The following ACTR3C variants were observed in gnomAD, a reference collection of about 807,000 sequenced individuals.
ACTR3C encodes the protein actin-related protein 3C.
Under a neutral mutation model 26.3 loss-of-function variants are expected in ACTR3C, and 18 were observed. The observed-to-expected ratio is 0.68, with a 90% CI of 0.47 to 1.01. The LOEUF is 1.01. Ranked by LOEUF, ACTR3C falls within the 50% of genes least tolerant of loss-of-function variation. The probability of loss-of-function intolerance (pLI) is 0.00; values close to 1 mark genes in which losing one functional copy is unlikely to be tolerated. For synonymous variants in ACTR3C, 55 were observed against 94.5 expected, an observed-to-expected ratio of 0.58 and a Z score of 2.42; for missense variants, 184 against 250.7, an observed-to-expected ratio of 0.73 and a Z score of 1.80.
At chr7:149,944,678 C>A in the ACTR3C span, among the ~76,000 whole-genome samples, 1 of 151,842 alleles carries the variant, frequency 6.6e-6, no homozygotes, top group Non-Finnish European at 1.5e-5. Context: ...TATGTCTCCT[C>A]CTTCACCTGC....
the ACTR3C span, among the ~76,000 whole-genome samples, chr7:150,086,763 C>T: frequency 2.6e-5 from 4 of 152,158 alleles, no homozygotes; most frequent in East Asian, 3.9e-4. Context: ...ACAATGTGAC[C>T]GGGATCTGAT....
the ACTR3C span, among the ~76,000 whole-genome samples, chr7:150,162,994 A>G: frequency 6.6e-6 from 1 of 152,036 alleles, no homozygotes. Context: ...TCTACTAAAA[A>G]TACAAACAAA....
the ACTR3C span, among the ~76,000 whole-genome samples, chr7:150,094,940 T>G: frequency 1.3e-5 from 2 of 148,180 alleles, no homozygotes; most frequent in Admixed American, 6.7e-5. Context: ...GGGTCACACC[T>G]CCCTGCTCCA....
chr7:150,128,553 T>A, the ACTR3C span, among the ~76,000 whole-genome samples: 2 of 151,556 alleles, frequency 1.3e-5, no homozygotes, highest in African/African-American at 2.4e-5. Context: ...TGGAGAAACA[T>A]CAACCCCAGA....
At chr7:150,196,676 G>A in the ACTR3C span, among the ~76,000 whole-genome samples, 4 of 152,122 alleles carry the variant, frequency 2.6e-5, no homozygotes, top group South Asian at 4.1e-4. Context: ...ACAGTTTTGC[G>A]CTTGGAAATT....
chr7:150,283,273 C>T (rs1452120076), intron 6 of ACTR3C, among the ~76,000 whole-genome samples: 12 of 149,498 alleles, frequency 8.0e-5, no homozygotes, highest in Non-Finnish European at 1.5e-4. Flanking sequence ...TAATGTCAGG[C>T]GGGATTGAAG....
At chr7:150,305,016 G>A (rs1266979657) in intron 1 of ACTR3C, among the ~76,000 whole-genome samples, 1 of 152,084 alleles carries the variant, frequency 6.6e-6, no homozygotes, top group Non-Finnish European at 1.5e-5. Flanking sequence ...CTGGGAGTTT[G>A]ATTGTTCTCA....
the ACTR3C span, among the ~76,000 whole-genome samples, chr7:149,998,340 T>C: frequency 3.3e-5 from 5 of 150,110 alleles, no homozygotes; most frequent in Non-Finnish European, 7.4e-5. Flanking sequence ...TCCTGAAACT[T>C]TGTGATTTTA....
At chr7:150,165,899 C>T in the ACTR3C span, among the ~76,000 whole-genome samples, 2 of 151,600 alleles carry the variant, frequency 1.3e-5, no homozygotes, top group African/African-American at 4.9e-5. Flanking sequence ...TTATGCCCTG[C>T]GTTGTGAGGA....
chr7:150,037,529 TC>T, the ACTR3C span, among the ~76,000 whole-genome samples: 2 of 34,616 alleles, frequency 5.8e-5, 1 homozygote, highest in Non-Finnish European at 1.2e-4. Flanking sequence ...GTCCCCACCT[TC>T]GCGGGGGGTG....
the ACTR3C span, among the ~76,000 whole-genome samples, chr7:149,985,207 AACACACACACAC>A: frequency 1.5e-3 from 197 of 130,822 alleles, no homozygotes; most frequent in Non-Finnish European, 2.2e-3. Context: ...CAAACAAAGC[AACACACACACAC>A]ACACACACAC....
chr7:150,006,968 C>A, the ACTR3C span, among the ~76,000 whole-genome samples: 1 of 152,106 alleles, frequency 6.6e-6, no homozygotes, highest in Non-Finnish European at 1.5e-5. Context: ...CTACACAGAA[C>A]CTGAACCTTT....
At chr7:150,068,813 G>T in the ACTR3C span, among the ~76,000 whole-genome samples, 1 of 149,040 alleles carries the variant, frequency 6.7e-6, no homozygotes, top group Non-Finnish European at 1.5e-5. Context: ...CCAAAAAAAG[G>T]AAAAAAGAAT....
At chr7:149,968,394 G>A in the ACTR3C span, among the ~76,000 whole-genome samples, 15 of 152,258 alleles carry the variant, frequency 9.9e-5, no homozygotes, top group South Asian at 1.7e-3. Context: ...TTAGCCAGGC[G>A]CGGTGGCGGG....
downstream of ACTR3C, among the ~76,000 whole-genome samples, chr7:150,242,171 G>A (rs1371582940): frequency 6.6e-5 from 10 of 151,184 alleles, no homozygotes; most frequent in South Asian, 4.2e-4. Context: ...AGACGAGATC[G>A]CACCACTGCA....
At chr7:150,276,184 C>T (rs1834862973) in intron 6 of ACTR3C, among the ~76,000 whole-genome samples, 1 of 152,156 alleles carries the variant, frequency 6.6e-6, no homozygotes, top group Non-Finnish European at 1.5e-5. Context: ...TCTATATTAA[C>T]AGCAAGTGCT....
At chr7:149,975,679 G>C in the ACTR3C span, among the ~76,000 whole-genome samples, 1 of 152,202 alleles carries the variant, frequency 6.6e-6, no homozygotes, top group Non-Finnish European at 1.5e-5. Flanking sequence ...GGGTTTAACA[G>C]ACTCACAGTT....
the ACTR3C span, among the ~76,000 whole-genome samples, chr7:149,899,270 G>A: frequency 2.2e-5 from 3 of 136,094 alleles, no homozygotes; most frequent in African/African-American, 8.2e-5. Flanking sequence ...CAATGCCACC[G>A]AGATAACACA....
the ACTR3C span, among the ~76,000 whole-genome samples, chr7:150,133,904 A>C: frequency 6.6e-6 from 1 of 151,904 alleles, no homozygotes; most frequent in South Asian, 2.1e-4. Context: ...AGCTCAGCTA[A>C]TTTTTCTATT....
Sources: gnomAD v4.1 joint callset for allele counts (sites outside exome capture counted in the v4.1 genomes callset) on GRCh38, gnomAD v4.1.1 for gene constraint, MANE v1.5 for transcripts, NCBI Gene and HGNC (gene_info 2026-07-23, HGNC 2026-07-21) for gene names.